The following ACACA variants were observed in gnomAD, a reference collection of about 807,000 sequenced individuals.
ACACA encodes acetyl-CoA carboxylase 1.
In ACACA, 103 loss-of-function variants were observed where a neutral mutation model predicts 296.1. The observed-to-expected ratio is 0.35, with a 90% confidence interval of 0.30 to 0.41. The LOEUF (loss-of-function observed/expected upper bound fraction) is 0.41. ACACA is among the 10% of genes least tolerant of loss of function. The pLI is 1.00. For synonymous variants in ACACA, 953 were observed against 1,038.6 expected, an observed-to-expected ratio of 0.92 and a Z score of 1.58; for missense variants, 1,554 against 2,989.7, an observed-to-expected ratio of 0.52 and a Z score of 11.20.
chr17:37,327,262 G>C (rs1231885199), intron 3 of ACACA, among the ~76,000 whole-genome samples: 3 of 150,960 alleles, frequency 2.0e-5, no homozygotes, highest in African/African-American at 7.5e-5. Flanking sequence ...CACCTAATTA[G>C]TGGCAGATGT....
chr17:37,285,263 A>C (rs959629360), intron 3 of ACACA, among the ~76,000 whole-genome samples: 6 of 152,212 alleles, frequency 3.9e-5, no homozygotes, highest in Non-Finnish European at 7.3e-5. Flanking sequence ...GAGACCGTTA[A>C]AGCCAAAAAA....
chr17:37,148,871 T>C (rs968153025), intron 45 of ACACA, among the ~76,000 whole-genome samples: 2 of 152,200 alleles, frequency 1.3e-5, no homozygotes, highest in Admixed American at 1.3e-4. Flanking sequence ...CTAGGTACTT[T>C]TACTTATGTT....
intron 1 of ACACA, among the ~76,000 whole-genome samples, chr17:37,340,559 T>C (rs1239542958): frequency 6.6e-6 from 1 of 152,192 alleles, no homozygotes. Flanking sequence ...AATACACGCT[T>C]GAGAACCACT....
chr17:37,144,158 C>G, intron 45 of ACACA: 2 of 748,480 alleles, frequency 2.7e-6, no homozygotes, highest in Non-Finnish European at 4.9e-6. Flanking sequence ...TTCCACCTCT[C>G]TGAGCACTTC....
At chr17:37,218,682 T>A (rs1418078078) in intron 29 of ACACA, among the ~76,000 whole-genome samples, 1 of 152,144 alleles carries the variant, frequency 6.6e-6, no homozygotes, top group Non-Finnish European at 1.5e-5. Context: ...AATCTAGAGG[T>A]TAGTGGACAT....
At chr17:37,358,401 T>C (rs2049239877) in intron 1 of ACACA, among the ~76,000 whole-genome samples, 1 of 152,228 alleles carries the variant, frequency 6.6e-6, no homozygotes, top group Non-Finnish European at 1.5e-5. Context: ...GGCATGTACA[T>C]TTACTATGTC....
At chr17:37,331,091 TTTCA>T (rs1446855870) in intron 2 of ACACA, among the ~76,000 whole-genome samples, 1 of 144,128 alleles carries the variant, frequency 6.9e-6, no homozygotes, top group Non-Finnish European at 1.5e-5. Flanking sequence ...TATTTTTATT[TTTCA>T]TTTATTTATT....
intron 3 of ACACA, among the ~76,000 whole-genome samples, chr17:37,317,181 T>C (rs1356976007): frequency 3.3e-5 from 5 of 152,164 alleles, no homozygotes; most frequent in Non-Finnish European, 5.9e-5. Flanking sequence ...CATCTATATG[T>C]ATATTTTTAA....
chr17:37,245,246 A>G (rs757148380), intron 19 of ACACA, 32 bp from the exon 20 acceptor site: 2 of 1,610,204 alleles, frequency 1.2e-6, no homozygotes, highest in African/African-American at 1.3e-5. Context: ...ACTCAGATTT[A>G]TCTCTCTTTA....
intron 54 of ACACA, among the ~76,000 whole-genome samples, chr17:37,094,148 G>A (rs556181652): frequency 2.0e-5 from 3 of 152,216 alleles, no homozygotes; most frequent in South Asian, 2.1e-4. Flanking sequence ...TGTTATTTTC[G>A]TTAAGGAGCT....
At chr17:37,346,566 G>A (rs1047868927) in intron 1 of ACACA, among the ~76,000 whole-genome samples, 1 of 151,750 alleles carries the variant, frequency 6.6e-6, no homozygotes, top group African/African-American at 2.4e-5. Context: ...GCCGGGCGTG[G>A]TGGCGGGCGC....
At chr17:37,202,343 T>C (rs1359864854) in intron 33 of ACACA, among the ~76,000 whole-genome samples, 5 of 152,166 alleles carry the variant, frequency 3.3e-5, no homozygotes, top group Non-Finnish European at 7.3e-5. Flanking sequence ...ATTGTAATAA[T>C]GCAGGTCTCA....
intron 1 of ACACA, among the ~76,000 whole-genome samples, chr17:37,400,797 T>C (rs893222825): frequency 1.3e-5 from 2 of 152,142 alleles, no homozygotes; most frequent in African/African-American, 4.8e-5. Context: ...CATTCATCCA[T>C]TGGCATACAT....
chr17:37,204,108 C>T (rs967858604), intron 33 of ACACA, among the ~76,000 whole-genome samples: 4 of 152,202 alleles, frequency 2.6e-5, no homozygotes, highest in Non-Finnish European at 4.4e-5. Flanking sequence ...ATTTTGAAAA[C>T]ATCTACTGAG....
At chr17:37,228,206 CTTTTTTTT>C (rs11299899) in intron 25 of ACACA, among the ~76,000 whole-genome samples, 5 of 106,056 alleles carry the variant, frequency 4.7e-5, no homozygotes, top group African/African-American at 7.3e-5. Flanking sequence ...TTCTCAAACC[CTTTTTTTT>C]TTTTTTTTTT....
intron 52 of ACACA, among the ~76,000 whole-genome samples, chr17:37,110,192 C>A (rs1357266385): frequency 2.0e-5 from 3 of 152,330 alleles, no homozygotes; most frequent in East Asian, 1.9e-4. Flanking sequence ...GTAAACACAG[C>A]GGCAACAATT....
chr17:37,405,512 GTTAA>G (rs1273869823), intron 1 of ACACA, among the ~76,000 whole-genome samples: 1 of 152,148 alleles, frequency 6.6e-6, no homozygotes, highest in Non-Finnish European at 1.5e-5. Flanking sequence ...ATACCAAAAT[GTTAA>G]TTATTTATTT....
At chr17:37,240,883 G>C (rs1265561849) in intron 23 of ACACA, among the ~76,000 whole-genome samples, 2 of 152,080 alleles carry the variant, frequency 1.3e-5, no homozygotes, top group Admixed American at 1.3e-4. Context: ...AAATTTATAA[G>C]TATCTTAAAG....
Position 37,179,289 on chromosome 17 carries a change from G to C in ACACA, c.5050C>G (p.His1684Asp). ...LVLDDQGQLV[H>D]MNRLPGGNEI... is the part of the protein sequence containing the mutation. Reference sequence around the variant, plus strand: ...TTTCCTCCTGGAAGCCTGTTCATGTGGACCAGCTGACCTTGATCATCCAGT... The same window carrying C: ...TTTCCTCCTGGAAGCCTGTTCATGTCGACCAGCTGACCTTGATCATCCAGT... The change falls in exon 41 of 56, where the codon CAC becomes GAC. Residue 1684 changes from histidine to aspartate, a missense_variant. Transcript: ENST00000616317. 1 of 1,614,092 alleles carries C rather than the reference G, an allele frequency of 6.2e-7. No individual in the cohort carries two copies. Among genetic ancestry groups the C allele is most frequent in the Non-Finnish European group, 8.5e-7 (1 of 1,180,006 alleles).
Sources: gnomAD v4.1 joint callset for allele counts (sites outside exome capture counted in the v4.1 genomes callset) on GRCh38, gnomAD v4.1.1 for gene constraint, MANE v1.5 for transcripts, NCBI Gene and HGNC (gene_info 2026-07-23, HGNC 2026-07-21) for gene names.